The following POLR1C variants were observed in gnomAD, a reference collection of about 807,000 sequenced individuals.
The protein encoded by POLR1C is RNA polymerase I and III subunit C.
A neutral mutation model predicts 38.3 loss-of-function variants in POLR1C; 42 were observed. That is an observed-to-expected ratio of 1.10 (90% CI 0.86 to 1.42). The LOEUF (loss-of-function observed/expected upper bound fraction) is 1.42, where lower values mean the gene tolerates loss of function less well. Ranked by LOEUF, POLR1C falls within the 40% of genes most tolerant of loss-of-function variation. POLR1C has a pLI of 0.00. For synonymous variants in POLR1C, 163 were observed against 163.9 expected (o/e 0.99, Z 0.04); for missense variants, 507 against 450.5 (o/e 1.13, Z -1.14).
chr6:43,544,475 TAG>T (rs1794869897), intron 9 of POLR1C, among the ~76,000 whole-genome samples: 1 of 152,234 alleles, frequency 6.6e-6, no homozygotes, highest in Non-Finnish European at 1.5e-5. Context: ...TTGTGGCCTC[TAG>T]AGTCAACCAG....
intron 10 of POLR1C, chr6:43,551,200 G>A: frequency 7.8e-7 from 1 of 1,289,814 alleles, no homozygotes; most frequent in East Asian, 2.6e-5. Context: ...AGTCCAGCCT[G>A]GGCAATGTAG....
intron 8 of POLR1C, chr6:43,527,109 C>T (rs1793646112): frequency 4.1e-6 from 1 of 241,200 alleles, no homozygotes; most frequent in South Asian, 6.8e-5. Flanking sequence ...AAACATTTCC[C>T]TATTTTGACA....
At chr6:43,557,695 C>A (rs976878209) in intron 10 of POLR1C, among the ~76,000 whole-genome samples, 1 of 139,144 alleles carries the variant, frequency 7.2e-6, no homozygotes, top group African/African-American at 2.7e-5. Flanking sequence ...GATGGCTGCA[C>A]AACTCTGTAA....
At chr6:43,537,356 T>C (rs558566017) in intron 9 of POLR1C, among the ~76,000 whole-genome samples, 2 of 152,180 alleles carry the variant, frequency 1.3e-5, no homozygotes, top group African/African-American at 2.4e-5. Flanking sequence ...ACCTTTACTA[T>C]TGTGTTGAAC....
chr6:43,521,795 A>G (rs1036110989), downstream of POLR1C, among the ~76,000 whole-genome samples: 2 of 152,186 alleles, frequency 1.3e-5, no homozygotes, highest in African/African-American at 4.8e-5. Context: ...GGCCTCCCAA[A>G]GTGTTGGGAT....
rs1329272828 is a variant in POLR1C at position 43,519,783 on chromosome 6, T to C, written c.327T>C (p.Arg109=). The C allele has an allele frequency of 6.2e-7, 1 of 1,614,200 alleles. No homozygotes were observed. Among genetic ancestry groups the C allele is most frequent in the Non-Finnish European group, 8.5e-7 (1 of 1,180,014 alleles). The change falls in exon 4 of 9, where the codon CGT becomes CGC. Residue 109 remains arginine, a synonymous_variant. Transcript: ENST00000642195. ...TTCAGGATGAGATTCTTGCTCACCG[T>C]CTGGGGCTCATTCCCATTCATGCTG... ...SIVQDEILAH[R]LGLIPIHADP...
At chr6:43,521,086 T>C (rs769080013) in intron 8 of POLR1C, 38 bp downstream of exon 8, 3 of 1,593,882 alleles carry the variant, frequency 1.9e-6, no homozygotes, top group East Asian at 2.2e-5. Context: ...GCAGTGCTCT[T>C]TGGTGCTGCA....
At chr6:43,543,801 C>T (rs545786808) in intron 9 of POLR1C, among the ~76,000 whole-genome samples, 11 of 152,036 alleles carry the variant, frequency 7.2e-5, no homozygotes, top group African/African-American at 2.4e-4. Flanking sequence ...CTCAGCCTCC[C>T]GAGTAGCTGG....
At chr6:43,533,945 G>C (rs1177940735), downstream of POLR1C, 3 of 1,607,570 alleles carry the variant, frequency 1.9e-6, no homozygotes, top group Non-Finnish European at 2.6e-6. Context: ...CATATCCAGA[G>C]CCTTGGTGAA....
intron 9 of POLR1C, among the ~76,000 whole-genome samples, chr6:43,536,841 G>A (rs544353388): frequency 1.3e-5 from 2 of 149,512 alleles, no homozygotes; most frequent in Admixed American, 6.7e-5. Flanking sequence ...TTCTGTGTGT[G>A]GTGGCTGGTA....
chr6:43,519,007 G>T (rs956668747), intron 2 of POLR1C, among the ~76,000 whole-genome samples: 3 of 152,094 alleles, frequency 2.0e-5, no homozygotes, highest in African/African-American at 7.2e-5. Context: ...TCAATGCCAA[G>T]CATAACAGAA....
downstream of POLR1C, among the ~76,000 whole-genome samples, chr6:43,522,077 C>G (rs1313849071): frequency 1.3e-5 from 2 of 152,336 alleles, no homozygotes; most frequent in East Asian, 3.9e-4. Flanking sequence ...TTGACAGCTC[C>G]AACAAAGAAC....
chr6:43,550,393 C>G (rs1795171270), intron 9 of POLR1C, among the ~76,000 whole-genome samples: 1 of 152,184 alleles, frequency 6.6e-6, no homozygotes, highest in African/African-American at 2.4e-5. Context: ...AAATAATTTG[C>G]AACAAATGAG....
downstream of POLR1C, chr6:43,529,596 A>G: frequency 5.3e-6 from 1 of 188,302 alleles, no homozygotes; most frequent in Non-Finnish European, 1.1e-5. Flanking sequence ...TTCAACTATT[A>G]ATAAGGGTCT....
At chr6:43,539,579 G>C (rs59052112) in intron 9 of POLR1C, 115,162 of 1,352,160 alleles carry the variant, frequency 0.085, 11,036 homozygotes, top group African/African-American at 0.47. Flanking sequence ...GCCCCGGCCC[G>C]GTCCACGGCT....
downstream of POLR1C, chr6:43,522,764 G>A (rs112303174): frequency 0.011 from 5,302 of 475,848 alleles, 193 homozygotes; most frequent in African/African-American, 0.086. Context: ...CAGAGCACAT[G>A]GACACACTGG....
At chr6:43,535,652 TAC>T (rs1794269272) in intron 9 of POLR1C, among the ~76,000 whole-genome samples, 2 of 149,620 alleles carry the variant, frequency 1.3e-5, no homozygotes, top group Non-Finnish European at 1.5e-5. Context: ...CTACTAAAAA[TAC>T]AAAAGCTAAA....
chr6:43,537,703 T>C (rs1464195879), intron 9 of POLR1C, among the ~76,000 whole-genome samples: 1 of 152,104 alleles, frequency 6.6e-6, no homozygotes, highest in South Asian at 2.1e-4. Context: ...ACTCCAGAGA[T>C]GCAATCATCA....
downstream of POLR1C, chr6:43,524,371 A>G: frequency 7.2e-7 from 1 of 1,385,340 alleles, no homozygotes; most frequent in Non-Finnish European, 9.6e-7. Flanking sequence ...AAAAAAAAAA[A>G]TCTCACCATA....
Sources: gnomAD v4.1 joint callset for allele counts (sites outside exome capture counted in the v4.1 genomes callset) on GRCh38, gnomAD v4.1.1 for gene constraint, MANE v1.5 for transcripts, NCBI Gene and HGNC (gene_info 2026-07-23, HGNC 2026-07-21) for gene names.